Variants in VPS50 observed in about 807,000 individuals in gnomAD.
The protein encoded by VPS50 is syndetin.
VPS50 carries 70 observed loss-of-function variants against 139.7 expected under a neutral mutation model. That is an observed-to-expected ratio of 0.50 (90% CI 0.41 to 0.61). The LOEUF (loss-of-function observed/expected upper bound fraction) is 0.61. Among genes scored for constraint, VPS50 ranks in the 20% least tolerant of loss-of-function variants. The probability of loss-of-function intolerance (pLI) is 0.00; values close to 1 mark genes in which losing one functional copy is unlikely to be tolerated. For synonymous variants in VPS50, 365 were observed against 376.7 expected, an observed-to-expected ratio of 0.97 and a Z score of 0.36; for missense variants, 921 against 1,133.7, an observed-to-expected ratio of 0.81 and a Z score of 2.69.
At chr7:93,235,032 T>A (rs770744537) in intron 1 of VPS50, among the ~76,000 whole-genome samples, 5 of 152,058 alleles carry the variant, frequency 3.3e-5, no homozygotes, top group Non-Finnish European at 7.4e-5. Context: ...TGTTGGTGAT[T>A]TGAGGTCACT....
At chr7:93,232,752 T>C (rs1389180394) in intron 1 of VPS50, among the ~76,000 whole-genome samples, 1 of 152,190 alleles carries the variant, frequency 6.6e-6, no homozygotes, top group Non-Finnish European at 1.5e-5. Flanking sequence ...AGGGTATCTT[T>C]GTCTCCCCTC....
chr7:93,313,926 A>C (rs1416083466), intron 20 of VPS50, among the ~76,000 whole-genome samples: 1 of 152,088 alleles, frequency 6.6e-6, no homozygotes, highest in Non-Finnish European at 1.5e-5. Context: ...CTCATTTAGG[A>C]CTGGGATTAG....
intron 1 of VPS50, among the ~76,000 whole-genome samples, chr7:93,234,375 T>C (rs1328394865): frequency 1.3e-5 from 2 of 152,194 alleles, no homozygotes; most frequent in African/African-American, 4.8e-5. Flanking sequence ...TTTCAGCAGG[T>C]CAAACCTGTG....
intron 13 of VPS50, among the ~76,000 whole-genome samples, chr7:93,294,002 G>C (rs1435616594): frequency 2.6e-5 from 4 of 152,156 alleles, no homozygotes; most frequent in Non-Finnish European, 2.9e-5. Context: ...GTCTTTTTCA[G>C]TTGTCTTTAG....
chr7:93,337,788 C>A (rs1562894095), intron 22 of VPS50, among the ~76,000 whole-genome samples: 2 of 152,068 alleles, frequency 1.3e-5, no homozygotes, highest in African/African-American at 4.8e-5. Context: ...ACCTGTACAG[C>A]ATTCATACAT....
intron 16 of VPS50, among the ~76,000 whole-genome samples, chr7:93,299,845 C>A (rs903809310): frequency 2.0e-5 from 3 of 152,068 alleles, no homozygotes; most frequent in Non-Finnish European, 2.9e-5. Context: ...CAAAGAACAT[C>A]GTTCTGTCAG....
chr7:93,269,299 C>A (rs1194061381), intron 9 of VPS50, among the ~76,000 whole-genome samples: 1 of 151,994 alleles, frequency 6.6e-6, no homozygotes, highest in African/African-American at 2.4e-5. Context: ...AAGGAAATTT[C>A]AGTCCTACCT....
At chr7:93,294,433 T>C (rs1283585572) in intron 13 of VPS50, 112 bp from the exon 14 acceptor site, 1 of 896,552 alleles carries the variant, frequency 1.1e-6, no homozygotes, top group African/African-American at 1.7e-5. Flanking sequence ...ATCAAACATA[T>C]TTACTGTATC....
At chr7:93,241,068 TTTGAG>T (rs1455326741) in intron 2 of VPS50, among the ~76,000 whole-genome samples, 1 of 152,178 alleles carries the variant, frequency 6.6e-6, no homozygotes, top group African/African-American at 2.4e-5. Flanking sequence ...TCTTTATTTC[TTTGAG>T]TTAAGAAAAA....
intron 19 of VPS50, among the ~76,000 whole-genome samples, chr7:93,310,207 G>A (rs1797227908): frequency 6.6e-6 from 1 of 151,956 alleles, no homozygotes; most frequent in Non-Finnish European, 1.5e-5. Flanking sequence ...TTTTGGTAGG[G>A]TTACTGGAGC....
At chr7:93,315,097 C>A (rs568047705) in intron 20 of VPS50, among the ~76,000 whole-genome samples, 1 of 152,216 alleles carries the variant, frequency 6.6e-6, no homozygotes. Context: ...TATATCTCCT[C>A]TCTCCTATTT....
intron 21 of VPS50, among the ~76,000 whole-genome samples, chr7:93,329,203 A>C (rs1797866398): frequency 6.6e-6 from 1 of 152,206 alleles, no homozygotes; most frequent in African/African-American, 2.4e-5. Flanking sequence ...AAAACAAAAT[A>C]TATTTTAAAT....
At chr7:93,244,362 C>A (rs1278846479) in intron 2 of VPS50, among the ~76,000 whole-genome samples, 1 of 151,872 alleles carries the variant, frequency 6.6e-6, no homozygotes, top group East Asian at 1.9e-4. Flanking sequence ...CACCTGCTAA[C>A]TGCAGAGCTT....
At chr7:93,236,937 C>CTTTTTTTTTTTTTTTT (rs71107889) in intron 1 of VPS50, among the ~76,000 whole-genome samples, 2 of 31,064 alleles carry the variant, frequency 6.4e-5, no homozygotes, top group African/African-American at 1.6e-4. Flanking sequence ...TCTTTTACTT[C>CTTTTTTTTTTTTTTTT]TTTTTTTTTT....
At chr7:93,327,398 T>C (rs573669784) in intron 21 of VPS50, among the ~76,000 whole-genome samples, 1 of 152,192 alleles carries the variant, frequency 6.6e-6, no homozygotes, top group African/African-American at 2.4e-5. Context: ...TCTGAAACTT[T>C]TGGGAACCAA....
intron 11 of VPS50, among the ~76,000 whole-genome samples, chr7:93,273,897 G>A (rs1796080031): frequency 1.3e-5 from 2 of 152,096 alleles, no homozygotes; most frequent in Admixed American, 1.3e-4. Context: ...GATTCTTGCA[G>A]TATTTCCAAC....
At chr7:93,301,428 GT>G (rs766158067) in intron 16 of VPS50, among the ~76,000 whole-genome samples, 1 of 151,936 alleles carries the variant, frequency 6.6e-6, no homozygotes, top group African/African-American at 2.4e-5. Flanking sequence ...TTGTAACTGC[GT>G]TTACCTTCTC....
chr7:93,301,157 C>T (rs957989213), intron 16 of VPS50, among the ~76,000 whole-genome samples: 4 of 151,782 alleles, frequency 2.6e-5, no homozygotes, highest in Admixed American at 6.6e-5. Flanking sequence ...ATTACCCGGG[C>T]GTGGTGGCGG....
chr7:93,284,938 T>A (rs1343297061), intron 12 of VPS50, among the ~76,000 whole-genome samples: 1 of 152,128 alleles, frequency 6.6e-6, no homozygotes, highest in Non-Finnish European at 1.5e-5. Context: ...ACAGAAGTAA[T>A]TAGATATTGG....
Sources: allele counts gnomAD v4.1 joint callset (sites outside exome capture counted in the v4.1 genomes callset), GRCh38; gene constraint gnomAD v4.1.1; transcripts MANE v1.5; gene names NCBI Gene and HGNC (gene_info 2026-07-23, HGNC 2026-07-21).